The following GSN variants were observed in gnomAD, a reference collection of about 807,000 sequenced individuals.
The protein encoded by GSN is gelsolin, also known as actin-depolymerizing factor.
A neutral mutation model predicts 85.7 loss-of-function variants in GSN; 56 were observed. The observed-to-expected ratio is 0.65, with a 90% CI of 0.53 to 0.82. The LOEUF (loss-of-function observed/expected upper bound fraction) is 0.82. GSN is among the 40% of genes least tolerant of loss of function. The pLI, the probability that GSN is intolerant of heterozygous loss-of-function variation, is 0.00. For missense variants in GSN, 857 were observed against 979.8 expected, an observed-to-expected ratio of 0.87 and a Z score of 1.67; for synonymous variants, 373 against 399.1, an observed-to-expected ratio of 0.93 and a Z score of 0.78.
intron 4 of GSN, among the ~76,000 whole-genome samples, chr9:121,225,156 G>C (rs1013437333): frequency 4.6e-5 from 7 of 152,156 alleles, no homozygotes; most frequent in African/African-American, 1.4e-4. Context: ...AGAAAAATGA[G>C]TAAGTTAGTT....
At position 121,321,710 on chromosome 9, in the gene GSN, A is replaced by C. The variant is rs142926760; in HGVS notation, c.1325+309A>C. ...CTCCCACACATATTTTTCAAGCCAAAATTTTTTTAAATTTATATTTGTTTA... is the reference window on the plus strand; with the variant it reads ...CTCCCACACATATTTTTCAAGCCAACATTTTTTTAAATTTATATTTGTTTA... On this transcript the variant is annotated intron_variant, in intron 11 of 17. Transcript: ENST00000432226. Among the ~76,000 whole-genome samples the C allele has an allele frequency of 1.3e-3, 191 of 149,952 alleles. 1 individual carries two copies. In the East Asian group the frequency reaches 0.03, roughly 23 times the overall value.
intron 2 of GSN, among the ~76,000 whole-genome samples, chr9:121,300,354 T>C (rs1194681985): frequency 6.6e-6 from 1 of 152,164 alleles, no homozygotes; most frequent in African/African-American, 2.4e-5. Context: ...TCTTCTTCCA[T>C]TTACGATTCC....
At chr9:121,264,858 G>A (rs2055165338), upstream of GSN, among the ~76,000 whole-genome samples, 1 of 152,198 alleles carries the variant, frequency 6.6e-6, no homozygotes, top group African/African-American at 2.4e-5. Flanking sequence ...TAAAGGGTAG[G>A]CATCTGATCC....
intron 1 of GSN, among the ~76,000 whole-genome samples, chr9:121,278,562 C>G (rs994266000): frequency 6.6e-6 from 1 of 152,182 alleles, no homozygotes; most frequent in Non-Finnish European, 1.5e-5. Flanking sequence ...CAAAGACTGG[C>G]CTTTCCACAG....
upstream of GSN, among the ~76,000 whole-genome samples, chr9:121,267,886 C>T (rs2055296788): frequency 6.6e-6 from 1 of 152,190 alleles, no homozygotes; most frequent in African/African-American, 2.4e-5. Context: ...TGGGTCTCCT[C>T]CCCGACCCTA....
At chr9:121,268,078 C>G (rs1023150499), upstream of GSN, 1 of 151,588 alleles carries the variant, frequency 6.6e-6, no homozygotes, top group Non-Finnish European at 1.5e-5. Context: ...CCCGCCTGCC[C>G]GGCCGCCCCG....
At position 121,318,547 on chromosome 9, in the gene GSN, G is replaced by T. The variant is rs546402505; in HGVS notation, c.975+53G>T. 8 of 1,510,188 alleles carry T rather than the reference G, an allele frequency of 5.3e-6. No homozygotes were observed. In the Admixed American group the frequency reaches 1.0e-4, roughly 19 times the overall value. The allele number at this position is 1,510,188 out of a possible 1,614,324, so 93.5% of individuals were successfully genotyped here. On this transcript the variant is annotated intron_variant, in intron 9 of 17. Transcript: ENST00000432226. The surrounding 1 kb of genome is among the most constrained non-coding windows in gnomAD (Gnocchi z 4.3). ...GAAGGGGTGGGTCCTGTTTGGAGGG[G>T]ATGGGCTGGAGTAGGGCGGGTGTCC...
At chr9:121,205,558 T>A (rs2053868576), upstream of GSN, among the ~76,000 whole-genome samples, 1 of 152,144 alleles carries the variant, frequency 6.6e-6, no homozygotes, top group Admixed American at 6.5e-5. Context: ...TGAAGTTGCT[T>A]CCCCTTATCC....
intron 4 of GSN, among the ~76,000 whole-genome samples, chr9:121,230,483 A>G (rs974773999): frequency 6.6e-6 from 1 of 152,168 alleles, no homozygotes; most frequent in Non-Finnish European, 1.5e-5. Context: ...ACAATTAGTA[A>G]CACATTTCAA....
chr9:121,321,284 G>A lies in GSN; in HGVS notation c.1208G>A (p.Gly403Asp). ...TGQKQIWRIE[G>D]SNKVPVDPAT... The stretch of plus-strand genomic sequence containing the variant: ...CTCCTGCAGATCTGGAGAATCGAAG[G>A]TTCCAACAAGGTGCCCGTGGACCCT... Residue 403 changes from glycine to aspartate, a missense_variant, in exon 11 of 18, where the codon GGT (glycine) becomes GAT (aspartate). Transcript: ENST00000432226. 1.9e-6 allele frequency: 3 copies of A among 1,614,144 alleles called. No homozygotes were observed. Among genetic ancestry groups the A allele is most frequent in the Non-Finnish European group, 2.5e-6 (3 of 1,179,994 alleles).
intron 2 of GSN, chr9:121,297,696 C>T (rs920022467): frequency 2.6e-5 from 4 of 152,190 alleles, no homozygotes; most frequent in East Asian, 3.8e-4. Flanking sequence ...CACAATCAGA[C>T]GTAGCTCATT....
At chr9:121,234,393 C>T (rs1353834615) in intron 5 of GSN, among the ~76,000 whole-genome samples, 5 of 152,212 alleles carry the variant, frequency 3.3e-5, no homozygotes, top group African/African-American at 1.2e-4. Flanking sequence ...TGCTGACTCA[C>T]AGCACCGATC....
chr9:121,322,629 C>T (rs1043564894), intron 11 of GSN, among the ~76,000 whole-genome samples: 7 of 152,254 alleles, frequency 4.6e-5, no homozygotes, highest in Non-Finnish European at 7.4e-5. Flanking sequence ...CAATTTCCCT[C>T]GATAGTGTTC....
At chr9:121,228,432 T>A (rs555098745) in intron 4 of GSN, among the ~76,000 whole-genome samples, 4,695 of 70,888 alleles carry the variant, frequency 0.066, 82 homozygotes, top group African/African-American at 0.14. Context: ...ATATTTTTTT[T>A]TTTTTTTTTT....
intron 5 of GSN, among the ~76,000 whole-genome samples, chr9:121,232,650 C>T (rs564207720): frequency 6.6e-6 from 1 of 152,296 alleles, no homozygotes; most frequent in African/African-American, 2.4e-5. Context: ...TAATATTGTA[C>T]AGCAGATCTA....
intron 2 of GSN, chr9:121,300,197 T>G (rs1164358534): frequency 9.4e-7 from 1 of 1,067,328 alleles, no homozygotes; most frequent in Non-Finnish European, 1.5e-6. Context: ...CCCTGGCTGT[T>G]CCTTCCCAGG....
At chr9:121,303,702 G>C (rs530552187) in intron 4 of GSN, among the ~76,000 whole-genome samples, 1 of 152,208 alleles carries the variant, frequency 6.6e-6, no homozygotes, top group Non-Finnish European at 1.5e-5. Context: ...CTGAGAGCCA[G>C]TTGTACCTGC....
rs201734352 is a variant in GSN at position 121,300,111 on chromosome 9, A to C, written c.-9-1852A>C. 45 of 1,610,074 alleles carry C rather than the reference A, an allele frequency of 2.8e-5. 1 individual carries two copies. The East Asian group carries it at 9.8e-4, about 35-fold the overall frequency. ...AGTAATTCAGGTCTAGAATGGAAAA[A>C]CTGTTTTGTTGCTTTGTAAGTATCT... On this transcript the variant is annotated intron_variant, in intron 2 of 17. Coordinates refer to ENST00000432226, the MANE Select transcript of GSN (RefSeq NM_198252.3).
At chr9:121,214,767 T>C (rs1396111678) in intron 4 of GSN, among the ~76,000 whole-genome samples, 2 of 152,192 alleles carry the variant, frequency 1.3e-5, no homozygotes, top group East Asian at 3.8e-4. Flanking sequence ...TCTTATCTTT[T>C]CTCTTCTGGA....
Sources: gnomAD v4.1 joint callset for allele counts (sites outside exome capture counted in the v4.1 genomes callset) on GRCh38, gnomAD v4.1.1 for gene constraint, Gnocchi (gnomAD v3.1) non-coding constraint, MANE v1.5 for transcripts, NCBI Gene and HGNC (gene_info 2026-07-23, HGNC 2026-07-21) for gene names.